PRUNE2: variants seen among roughly 807,000 people sequenced by gnomAD.
PRUNE2 encodes prune homolog 2 with BCH domain, also known as protein prune homolog 2.
PRUNE2 carries 164 observed loss-of-function variants against 252.0 expected under a neutral mutation model. The observed-to-expected ratio is 0.65, with a 90% confidence interval of 0.57 to 0.74. PRUNE2 has a LOEUF of 0.74. PRUNE2 is among the 30% of genes least tolerant of loss of function. PRUNE2 has a pLI of 0.00. For missense variants in PRUNE2, 3,495 were observed against 3,711.0 expected (o/e 0.94, Z 1.51); for synonymous variants, 1,292 against 1,350.2 (o/e 0.96, Z 0.94).
At chr9:76,870,612 G>A (rs1031809399) in intron 1 of PRUNE2, among the ~76,000 whole-genome samples, 17 of 151,806 alleles carry the variant, frequency 1.1e-4, no homozygotes, top group African/African-American at 1.7e-4. Context: ...CGTGAACCCG[G>A]GAGGCGGAGC....
At chr9:76,663,240 A>T (rs567810083) in intron 9 of PRUNE2, among the ~76,000 whole-genome samples, 1 of 152,374 alleles carries the variant, frequency 6.6e-6, no homozygotes, top group East Asian at 1.9e-4. Flanking sequence ...CTTTAGCAAC[A>T]GTTCGCTAAC....
chr9:76,882,675 C>CA, intron 1 of PRUNE2, among the ~76,000 whole-genome samples: 1 of 152,316 alleles, frequency 6.6e-6, no homozygotes, highest in Non-Finnish European at 1.5e-5. Flanking sequence ...CATGAGAACA[C>CA]ACTCACTATC....
rs112372589 is a variant in PRUNE2, at chr9:76,894,223, T to A, written c.36+11705A>T. Among the ~76,000 whole-genome samples the A allele has an allele frequency of 1.2e-3, 182 of 152,264 alleles. 1 individual carries two copies. Among genetic ancestry groups the A allele is most frequent in the African/African-American group, 4.2e-3 (175 of 41,550 alleles). On this transcript the variant is annotated intron_variant, in intron 1 of 18. Coordinates refer to ENST00000376718, the MANE Select transcript of PRUNE2 (RefSeq NM_015225.3). Reference sequence around the variant, plus strand: ...ACCCTTCCTTGCAAGAATCCAGTCCTCCAAAAGGAAGCAGCTCCAGAAGTC... The same window carrying A: ...ACCCTTCCTTGCAAGAATCCAGTCCACCAAAAGGAAGCAGCTCCAGAAGTC...
At chr9:76,787,169 T>C (rs1330732577) in intron 6 of PRUNE2, 2 of 152,214 alleles carry the variant, frequency 1.3e-5, no homozygotes, top group Non-Finnish European at 2.9e-5. Context: ...TCCTTGTAAA[T>C]TACTTTTTCT....
At chr9:76,692,244 T>C (rs777590813) in intron 9 of PRUNE2, 3 of 698,084 alleles carry the variant, frequency 4.3e-6, no homozygotes, top group South Asian at 3.1e-5. Context: ...CTCCCAGATC[T>C]CCCCATGCAG....
chr9:76,723,219 G>C (rs566212468), intron 6 of PRUNE2, among the ~76,000 whole-genome samples: 1 of 152,274 alleles, frequency 6.6e-6, no homozygotes, highest in African/African-American at 2.4e-5. Flanking sequence ...ATGTACTTTT[G>C]AAAAGTTGGG....
At chr9:76,765,717 G>C (rs2052287526) in intron 6 of PRUNE2, among the ~76,000 whole-genome samples, 3 of 152,186 alleles carry the variant, frequency 2.0e-5, no homozygotes, top group African/African-American at 7.2e-5. Context: ...ATTTGGATTA[G>C]GAGTTAAGAG....
At chr9:76,731,324 ATTT>A (rs1181079797) in intron 6 of PRUNE2, among the ~76,000 whole-genome samples, 2,111 of 106,708 alleles carry the variant, frequency 0.02, 56 homozygotes, top group African/African-American at 0.065. Flanking sequence ...ATATATATAT[ATTT>A]TTTTTTTTTT....
chr9:76,659,832 G>T (rs1188420945), intron 9 of PRUNE2, among the ~76,000 whole-genome samples: 1 of 150,922 alleles, frequency 6.6e-6, no homozygotes, highest in Non-Finnish European at 1.5e-5. Flanking sequence ...AAAATAAATG[G>T]TGAGTGATTT....
chr9:76,720,220 G>A (rs1329016), intron 6 of PRUNE2, among the ~76,000 whole-genome samples: 33,034 of 152,066 alleles, frequency 0.22, 4,035 homozygotes, highest in East Asian at 0.57. Flanking sequence ...AAAGTAGAAT[G>A]TCATTTCTAG....
At chr9:76,737,352 C>T (rs996314447) in intron 6 of PRUNE2, 4 of 152,190 alleles carry the variant, frequency 2.6e-5, no homozygotes, top group South Asian at 4.1e-4. Flanking sequence ...TGGCAGTGCT[C>T]GACTGTTCTG....
rs745420417 is a variant in PRUNE2, at chr9:76,707,496, A to G, written c.4778T>C (p.Val1593Ala). 2 of 1,613,906 alleles carry G rather than the reference A, an allele frequency of 1.2e-6. No individual in the cohort carries two copies. The highest frequency in any genetic ancestry group is 2.2e-5 in the East Asian group (1 of 44,890). ...ATCCTTCACTTTGGTAACTATTTCT[A>G]CTTGGCCATCAGTGGTAATTAGTTC... Reference protein sequence around the residue: ...ESELITTDGQVEIVTKVKDLE... With the variant: ...ESELITTDGQAEIVTKVKDLE... The change falls in exon 8 of 19, where the codon GTA (valine) becomes GCA (alanine). Residue 1593 changes from valine (V) to alanine (A), a missense_variant. Val to Ala is a moderately conservative substitution (Grantham distance 64). Transcript: ENST00000376718.
At chr9:76,837,764 C>T (rs2059111823) in intron 4 of PRUNE2, among the ~76,000 whole-genome samples, 1 of 143,414 alleles carries the variant, frequency 7.0e-6, no homozygotes, top group Non-Finnish European at 1.5e-5. Context: ...AAGTTTCAAA[C>T]CAAATACTAT....
At chr9:76,642,751 T>C (rs1440902936) in intron 12 of PRUNE2, among the ~76,000 whole-genome samples, 1 of 152,176 alleles carries the variant, frequency 6.6e-6, no homozygotes, top group Non-Finnish European at 1.5e-5. Flanking sequence ...GACAAAGCTT[T>C]AGCAAATTCA....
Position 76,707,771 on chromosome 9 carries a change from A to G in PRUNE2, c.4503T>C (p.His1501=), listed in dbSNP as rs375569348. 45 of 1,613,568 alleles carry G rather than the reference A, an allele frequency of 2.8e-5. No individual in the cohort carries two copies. The African/African-American group carries it at 4.4e-4, about 16-fold the overall frequency. The change falls in exon 8 of 19, where the codon CAT becomes CAC. Residue 1501 remains histidine, a synonymous_variant. Transcript: ENST00000376718. ...TTATCTCAGAACATGTGCTGCTGAC[A>G]TGCACATCACTGTCTATAGGGACGT... The part of the protein sequence containing the change: ...FGDVPIDSDV[H]VSSTCSEITK...
chr9:76,669,339 G>A (rs530966482), intron 9 of PRUNE2, among the ~76,000 whole-genome samples: 2 of 150,776 alleles, frequency 1.3e-5, no homozygotes, highest in African/African-American at 4.9e-5. Flanking sequence ...TTTTTTTTGA[G>A]ATGAAGTTTC....
At chr9:76,869,075 G>A (rs1232665566) in intron 1 of PRUNE2, 2 of 152,238 alleles carry the variant, frequency 1.3e-5, no homozygotes, top group South Asian at 4.1e-4. Flanking sequence ...AGACGCGCTC[G>A]AAGACTTTTC....
intron 16 of PRUNE2, among the ~76,000 whole-genome samples, chr9:76,625,684 G>C (rs766315829): frequency 5.9e-5 from 9 of 152,060 alleles, no homozygotes; most frequent in Middle Eastern, 3.4e-3. Flanking sequence ...GTACTTTTTG[G>C]GTCACTTGTG....
At chr9:76,738,734 T>A (rs1028447458) in intron 6 of PRUNE2, 1 of 152,192 alleles carries the variant, frequency 6.6e-6, no homozygotes, top group East Asian at 1.9e-4. Flanking sequence ...TGCATTTCAG[T>A]GTATGCTCAG....
Sources: allele counts gnomAD v4.1 joint callset (sites outside exome capture counted in the v4.1 genomes callset), GRCh38; gene constraint gnomAD v4.1.1; transcripts MANE v1.5; gene names NCBI Gene and HGNC (gene_info 2026-07-23, HGNC 2026-07-21).